LAMC1: variants seen among roughly 807,000 people sequenced by gnomAD.
LAMC1 encodes the protein laminin subunit gamma 1.
A neutral mutation model predicts 173.6 loss-of-function variants in LAMC1; 38 were observed. The observed-to-expected ratio is 0.22, with a 90% confidence interval of 0.17 to 0.29. The LOEUF (loss-of-function observed/expected upper bound fraction) is 0.29. Ranked by LOEUF, LAMC1 falls within the 10% of genes least tolerant of loss-of-function variation. The pLI is 1.00. For missense variants in LAMC1, 1,824 were observed against 2,051.8 expected, an observed-to-expected ratio of 0.89 and a Z score of 2.14; for synonymous variants, 746 against 749.1, an observed-to-expected ratio of 1.00 and a Z score of 0.07.
chr1:183,074,016 A>T (rs931358198), intron 1 of LAMC1, among the ~76,000 whole-genome samples: 8 of 152,210 alleles, frequency 5.3e-5, no homozygotes, highest in Non-Finnish European at 1.0e-4. Context: ...GTTGACCTAT[A>T]ATTTTTCTTA....
intron 1 of LAMC1, among the ~76,000 whole-genome samples, chr1:183,091,002 C>A (rs1458687119): frequency 7.2e-5 from 11 of 152,072 alleles, no homozygotes; most frequent in Non-Finnish European, 1.5e-4. Context: ...ACCTGCTAAT[C>A]TTTTTGCTTG....
chr1:183,099,363 T>C (rs1475228688), intron 1 of LAMC1, among the ~76,000 whole-genome samples: 4 of 152,160 alleles, frequency 2.6e-5, no homozygotes, highest in Non-Finnish European at 2.9e-5. Flanking sequence ...GTACTGGGAT[T>C]ACAGGCCTTA....
At chr1:183,076,847 A>G (rs1655130273) in intron 1 of LAMC1, among the ~76,000 whole-genome samples, 2 of 150,414 alleles carry the variant, frequency 1.3e-5, no homozygotes, top group Admixed American at 1.4e-4. Context: ...GTACACATGC[A>G]GAAGAAAAAT....
chr1:183,068,650 G>C (rs566857101), intron 1 of LAMC1, among the ~76,000 whole-genome samples: 1 of 152,194 alleles, frequency 6.6e-6, no homozygotes, highest in African/African-American at 2.4e-5. Flanking sequence ...TTTTAGAAAA[G>C]TGACACATGG....
chr1:183,036,968 G>T (rs547989670), intron 1 of LAMC1, among the ~76,000 whole-genome samples: 1 of 152,106 alleles, frequency 6.6e-6, no homozygotes, highest in East Asian at 1.9e-4. Context: ...TAGAGATGGG[G>T]TTTTGCCATG....
intron 1 of LAMC1, among the ~76,000 whole-genome samples, chr1:183,065,615 G>A (rs74570584): frequency 2.2e-4 from 34 of 152,292 alleles, no homozygotes; most frequent in African/African-American, 5.8e-4. Flanking sequence ...TGGCTAGACT[G>A]GTGTTTGATC....
In LAMC1 at chr1:183,131,344, CTT is replaced by C; in HGVS notation, c.3535_3536del (p.Leu1179GlyfsTer9). The stretch of plus-strand genomic sequence containing the variant: ...TACAGGGGACCCAAACAACATGACT[CTT>C]TTGGCAGAAGAGGCTCGAAAGCTTG... ...ESTGDPNNMT[L>X]LAEEARKLAE... On this transcript the variant is annotated frameshift_variant, in exon 20 of 28. Transcript: ENST00000258341. LOFTEE classifies it high-confidence loss of function. 6.2e-7 allele frequency: 1 copy of C among 1,613,816 alleles called. No homozygotes were observed. The highest frequency in any genetic ancestry group is 1.3e-5 in the African/African-American group (1 of 74,962).
intron 23 of LAMC1, 37 bp from the exon 24 acceptor site, chr1:183,135,005 T>C: frequency 1.3e-6 from 2 of 1,536,594 alleles, no homozygotes; most frequent in Non-Finnish European, 1.8e-6. Context: ...GGGATTTGCT[T>C]TGAGGGTTCA....
At chr1:183,102,083 G>A (rs1000312550) in intron 1 of LAMC1, among the ~76,000 whole-genome samples, 3 of 152,196 alleles carry the variant, frequency 2.0e-5, no homozygotes, top group African/African-American at 7.2e-5. Flanking sequence ...GTTGCACTGA[G>A]TGCAGGAGAG....
At chr1:183,117,787 A>T (rs965787918) in intron 10 of LAMC1, 64 bp downstream of exon 10, 58 of 1,400,040 alleles carry the variant, frequency 4.1e-5, no homozygotes, top group Middle Eastern at 2.2e-4. Context: ...TCTTTATTTA[A>T]GTTTAACTGG....
At chr1:183,029,788 G>A (rs1653802624) in intron 1 of LAMC1, among the ~76,000 whole-genome samples, 2 of 152,168 alleles carry the variant, frequency 1.3e-5, no homozygotes, top group African/African-American at 4.8e-5. Flanking sequence ...GGACGAGTCA[G>A]GGGTTTAGTA....
intron 1 of LAMC1, among the ~76,000 whole-genome samples, chr1:183,087,624 G>A (rs545213769): frequency 6.6e-6 from 1 of 152,138 alleles, no homozygotes; most frequent in East Asian, 1.9e-4. Flanking sequence ...CTTATCACAT[G>A]CTCATGGCTG....
chr1:183,119,369 A>G (rs1656408252), intron 11 of LAMC1, among the ~76,000 whole-genome samples: 2 of 152,116 alleles, frequency 1.3e-5, no homozygotes, highest in South Asian at 4.1e-4. Flanking sequence ...ATGGCTTATA[A>G]GTAGTTAGAA....
At chr1:183,040,645 G>T (rs764342569) in intron 1 of LAMC1, among the ~76,000 whole-genome samples, 7 of 152,216 alleles carry the variant, frequency 4.6e-5, no homozygotes, top group Non-Finnish European at 1.0e-4. Flanking sequence ...TCAGGAGAAA[G>T]GCTGGAGCAG....
chr1:183,082,132 A>G (rs1289018017), intron 1 of LAMC1, among the ~76,000 whole-genome samples: 1 of 152,238 alleles, frequency 6.6e-6, no homozygotes, highest in African/African-American at 2.4e-5. Context: ...TATCCATTCA[A>G]TTACTGAAGG....
chr1:183,139,262 C>T lies in LAMC1; in HGVS notation c.4474-1142C>T, dbSNP rs539309176. 5.3e-5 allele frequency among the ~76,000 whole-genome samples: 8 copies of T among 152,150 alleles called. No homozygotes were observed. In the East Asian group the frequency reaches 1.5e-3, roughly 29 times the overall value. On this transcript the variant is annotated intron_variant, in intron 26 of 27. Transcript: ENST00000258341. ...GTAAATAACTTCTAAGGAAACAAAC[C>T]ACCCTCACATGCACTATCTCATTTG...
intron 1 of LAMC1, among the ~76,000 whole-genome samples, chr1:183,091,245 A>G (rs978290153): frequency 6.6e-6 from 1 of 152,114 alleles, no homozygotes; most frequent in Non-Finnish European, 1.5e-5. Flanking sequence ...TTAGATCTGG[A>G]TTGGAGTGGG....
intron 1 of LAMC1, among the ~76,000 whole-genome samples, chr1:183,089,601 G>T (rs542865346): frequency 6.6e-6 from 1 of 152,270 alleles, no homozygotes; most frequent in Non-Finnish European, 1.5e-5. Flanking sequence ...TTTCTGAAAT[G>T]ATAATGTGCT....
At chr1:183,133,641 C>A in intron 22 of LAMC1, 91 bp downstream of exon 22, 1 of 1,224,446 alleles carries the variant, frequency 8.2e-7, no homozygotes, top group Non-Finnish European at 1.1e-6. Flanking sequence ...TCTGTCCTCC[C>A]ACTGACTCGC....
Sources: gnomAD v4.1 joint callset for allele counts (sites outside exome capture counted in the v4.1 genomes callset) on GRCh38, gnomAD v4.1.1 for gene constraint, MANE v1.5 for transcripts, NCBI Gene and HGNC (gene_info 2026-07-23, HGNC 2026-07-21) for gene names.